ZNG1B: variants seen among roughly 807,000 people sequenced by gnomAD.
ZNG1B encodes zinc-regulated GTPase metalloprotein activator 1B.
At chr2:113,463,973 G>A in the ZNG1B span, among the ~76,000 whole-genome samples, 225 of 152,276 alleles carry the variant, frequency 1.5e-3, no homozygotes, top group African/African-American at 5.2e-3. Flanking sequence ...CATAAATCTT[G>A]TGTACCATTG....
At chr2:113,470,101 C>T in the ZNG1B span, 1 of 151,718 alleles carries the variant, frequency 6.6e-6, no homozygotes. Context: ...AAATGATTCT[C>T]CTGCCGCAGC....
the ZNG1B span, among the ~76,000 whole-genome samples, chr2:113,453,442 G>A: frequency 7.3e-5 from 11 of 150,690 alleles, no homozygotes; most frequent in South Asian, 2.1e-4. Flanking sequence ...TAGTAGAGAC[G>A]GGGTTTCGCC....
At chr2:113,484,794 C>T in the ZNG1B span, among the ~76,000 whole-genome samples, 1 of 149,544 alleles carries the variant, frequency 6.7e-6, no homozygotes, top group East Asian at 2.0e-4. Context: ...TCCTGAGTAG[C>T]TGGGATTACA....
the ZNG1B span, among the ~76,000 whole-genome samples, chr2:113,438,275 C>T: frequency 6.6e-6 from 1 of 152,158 alleles, no homozygotes; most frequent in East Asian, 1.9e-4. Flanking sequence ...AAGGCTTTGA[C>T]GCTAAGACAC....
At chr2:113,438,230 T>C in the ZNG1B span, among the ~76,000 whole-genome samples, 1 of 152,176 alleles carries the variant, frequency 6.6e-6, no homozygotes, top group African/African-American at 2.4e-5. Context: ...TAGATTCCCA[T>C]TTCTCAAGTG....
chr2:113,469,796 T>C, the ZNG1B span: 4 of 147,540 alleles, frequency 2.7e-5, no homozygotes, highest in African/African-American at 1.0e-4. Flanking sequence ...AAAGGAGATG[T>C]TTTTCTTATA....
chr2:113,477,470 G>A, the ZNG1B span, among the ~76,000 whole-genome samples: 6 of 152,108 alleles, frequency 3.9e-5, no homozygotes, highest in South Asian at 6.2e-4. Context: ...TGGAGAAATC[G>A]CCTGTCTTCT....
chr2:113,439,242 C>A, the ZNG1B span: 5 of 1,489,194 alleles, frequency 3.4e-6, no homozygotes, highest in Non-Finnish European at 4.5e-6. Flanking sequence ...CTTTCTGAAA[C>A]ACTGTTCTTT....
chr2:113,488,038 C>A, the ZNG1B span, among the ~76,000 whole-genome samples: 33,119 of 151,652 alleles, frequency 0.22, 4,058 homozygotes, highest in East Asian at 0.53. Flanking sequence ...AAAGTGCCAC[C>A]TCCCTGCAGC....
chr2:113,445,999 T>C, the ZNG1B span, among the ~76,000 whole-genome samples: 3 of 152,032 alleles, frequency 2.0e-5, no homozygotes, highest in African/African-American at 7.3e-5. Flanking sequence ...CAAAGTAGTA[T>C]TGAATTAGGC....
the ZNG1B span, among the ~76,000 whole-genome samples, chr2:113,450,204 T>C: frequency 1.3e-5 from 2 of 149,418 alleles, no homozygotes; most frequent in African/African-American, 2.5e-5. Context: ...TCTAAGAACA[T>C]TTTCCTTGTT....
At chr2:113,441,168 A>T in the ZNG1B span, among the ~76,000 whole-genome samples, 1 of 152,222 alleles carries the variant, frequency 6.6e-6, no homozygotes, top group Non-Finnish European at 1.5e-5. Context: ...TTTTATGTCT[A>T]CATAAAGTAT....
chr2:113,471,825 T>A, the ZNG1B span, among the ~76,000 whole-genome samples: 1 of 152,074 alleles, frequency 6.6e-6, no homozygotes, highest in Non-Finnish European at 1.5e-5. Flanking sequence ...TCCTTTTTTA[T>A]GGCTGCATAG....
the ZNG1B span, chr2:113,437,961 G>A: frequency 2.5e-6 from 4 of 1,612,036 alleles, no homozygotes; most frequent in African/African-American, 4.0e-5. Flanking sequence ...CGCAAAGCGA[G>A]GAGGAGGAAA....
chr2:113,473,463 T>C, the ZNG1B span, among the ~76,000 whole-genome samples: 1 of 150,010 alleles, frequency 6.7e-6, no homozygotes, highest in Non-Finnish European at 1.5e-5. Context: ...CTTTTCCTAA[T>C]TGAATACCCT....
chr2:113,448,249 C>A, the ZNG1B span, among the ~76,000 whole-genome samples: 5 of 152,098 alleles, frequency 3.3e-5, no homozygotes, highest in African/African-American at 9.6e-5. Context: ...CATCACAGCT[C>A]TTGGGTGATC....
At chr2:113,472,811 T>C in the ZNG1B span, among the ~76,000 whole-genome samples, 1 of 151,944 alleles carries the variant, frequency 6.6e-6, no homozygotes, top group Non-Finnish European at 1.5e-5. Context: ...TGCGGCGTTA[T>C]TTCTGAGGGC....
At chr2:113,463,916 A>G in the ZNG1B span, among the ~76,000 whole-genome samples, 1 of 152,062 alleles carries the variant, frequency 6.6e-6, no homozygotes, top group Non-Finnish European at 1.5e-5. Flanking sequence ...ATGAATGAAG[A>G]TTGCTTTTAC....
the ZNG1B span, among the ~76,000 whole-genome samples, chr2:113,442,307 T>C: frequency 2.0e-5 from 3 of 152,174 alleles, no homozygotes; most frequent in Non-Finnish European, 2.9e-5. Context: ...GACACAATAC[T>C]TCTGTTATCT....
Sources: allele counts gnomAD v4.1 joint callset (sites outside exome capture counted in the v4.1 genomes callset), GRCh38; gene constraint gnomAD v4.1.1; transcripts MANE v1.5; gene names NCBI Gene and HGNC (gene_info 2026-07-23, HGNC 2026-07-21).